WNT3: variants seen among roughly 807,000 people sequenced by gnomAD.
WNT3 encodes Wnt family member 3.
Under a neutral mutation model 34.2 loss-of-function variants are expected in WNT3, and 7 were observed. The observed-to-expected ratio is 0.20, with a 90% CI of 0.12 to 0.38. The LOEUF (loss-of-function observed/expected upper bound fraction) is 0.38, where lower values mean the gene tolerates loss of function less well. WNT3 is among the 10% of genes least tolerant of loss of function. WNT3 has a pLI of 1.00. For missense variants in WNT3, 267 were observed against 499.8 expected, an observed-to-expected ratio of 0.53 and a Z score of 4.44; for synonymous variants, 212 against 211.5, an observed-to-expected ratio of 1.00 and a Z score of -0.02.
intron 1 of WNT3, among the ~76,000 whole-genome samples, chr17:46,817,805 A>C (rs910134976): frequency 8.5e-5 from 13 of 152,172 alleles, no homozygotes; most frequent in Admixed American, 3.3e-4. Context: ...AAAGAACAAC[A>C]AGCCTACCCC....
rs1278282304 is a variant in WNT3 at position 46,768,271 on chromosome 17, GCCCAGGCT to G, written c.*8+33_*8+40del. ...ATGGGCAAACAACCCCATTCCCTGCGCCCAGGCTCCCAGCCTCCCCCCTGCTTCCCGGA... is the reference window on the plus strand; with the variant it reads ...ATGGGCAAACAACCCCATTCCCTGCGCCCAGCCTCCCCCCTGCTTCCCGGA... On this transcript the variant is annotated intron_variant, in intron 4 of 4. Transcript: ENST00000225512. The surrounding 1 kb of genome is among the most constrained non-coding windows in gnomAD (Gnocchi z 5.0). 2 of 1,611,204 alleles carry G rather than the reference GCCCAGGCT, an allele frequency of 1.2e-6. No homozygotes were observed. Among genetic ancestry groups the G allele is most frequent in the Non-Finnish European group, 1.7e-6 (2 of 1,179,924 alleles).
At chr17:46,779,103 A>ACACACACACACACCCCC (rs749719578) in intron 1 of WNT3, among the ~76,000 whole-genome samples, 10 of 133,662 alleles carry the variant, frequency 7.5e-5, no homozygotes, top group East Asian at 5.1e-4. Flanking sequence ...ACACACACAC[A>ACACACACACACACCCCC]CCCCAGCCCA....
intron 1 of WNT3, among the ~76,000 whole-genome samples, chr17:46,806,199 T>A (rs1172256188): frequency 1.4e-5 from 2 of 140,958 alleles, no homozygotes; most frequent in Admixed American, 1.6e-4. Context: ...TTTTTTCTTT[T>A]TCTTTTCCTT....
At chr17:46,784,114 C>T (rs983262463) in intron 1 of WNT3, among the ~76,000 whole-genome samples, 12 of 152,148 alleles carry the variant, frequency 7.9e-5, no homozygotes, top group Admixed American at 5.9e-4. Flanking sequence ...GGGATGGGCC[C>T]GCTGGTCATC....
At chr17:46,790,125 T>C (rs1377499948) in intron 1 of WNT3, among the ~76,000 whole-genome samples, 1 of 152,096 alleles carries the variant, frequency 6.6e-6, no homozygotes, top group Non-Finnish European at 1.5e-5. Context: ...CTCAACATTT[T>C]CCTCTGCACC....
chr17:46,784,735 A>ACTGTGCCC (rs2059487758), intron 1 of WNT3, among the ~76,000 whole-genome samples: 1 of 150,598 alleles, frequency 6.6e-6, no homozygotes, highest in South Asian at 2.1e-4. Flanking sequence ...AGAGGGAGCC[A>ACTGTGCCC]CTGTGCCCCT....
At chr17:46,811,400 T>G (rs1425508819) in intron 1 of WNT3, among the ~76,000 whole-genome samples, 1 of 152,124 alleles carries the variant, frequency 6.6e-6, no homozygotes, top group East Asian at 1.9e-4. Flanking sequence ...CTCTCTGAGA[T>G]ATTAGTTTGA....
chr17:46,779,053 T>TCACAAACACA (rs1555683628), intron 1 of WNT3, among the ~76,000 whole-genome samples: 2 of 100,612 alleles, frequency 2.0e-5, no homozygotes, highest in African/African-American at 8.9e-5. Flanking sequence ...CCCTACCCCA[T>TCACAAACACA]CACACACACA....
At chr17:46,789,197 G>T (rs1047618521) in intron 1 of WNT3, among the ~76,000 whole-genome samples, 16 of 152,132 alleles carry the variant, frequency 1.1e-4, no homozygotes, top group Middle Eastern at 6.8e-3. Flanking sequence ...CTTTATGGGG[G>T]CCCAGAGGCC....
chr17:46,771,715 C>G (rs2059372947), intron 2 of WNT3, among the ~76,000 whole-genome samples: 1 of 143,070 alleles, frequency 7.0e-6, no homozygotes, highest in South Asian at 2.1e-4. Flanking sequence ...GCCCCCGGCC[C>G]CGGCGCCGGG....
intron 1 of WNT3, among the ~76,000 whole-genome samples, chr17:46,777,750 A>G (rs1021498235): frequency 5.9e-5 from 9 of 152,242 alleles, no homozygotes; most frequent in African/African-American, 1.9e-4. Context: ...AAACTGAGGC[A>G]TGGAGTAGTT....
intron 2 of WNT3, among the ~76,000 whole-genome samples, chr17:46,772,083 G>A (rs1433356767): frequency 6.6e-6 from 1 of 152,136 alleles, no homozygotes; most frequent in Non-Finnish European, 1.5e-5. Flanking sequence ...CGGCGGTGGT[G>A]TGGGGACTCG....
intron 2 of WNT3, among the ~76,000 whole-genome samples, chr17:46,772,942 C>T (rs2146383822): frequency 6.6e-6 from 1 of 152,278 alleles, no homozygotes; most frequent in South Asian, 2.1e-4. Context: ...TCGTTAAATT[C>T]CTGGACACTG....
At chr17:46,804,049 G>T (rs1004860933) in intron 1 of WNT3, among the ~76,000 whole-genome samples, 2 of 151,834 alleles carry the variant, frequency 1.3e-5, no homozygotes, top group African/African-American at 4.8e-5. Flanking sequence ...TTGCATATTT[G>T]TCTTCTCCTT....
chr17:46,766,075 T>C (rs562135579), intron 4 of WNT3, among the ~76,000 whole-genome samples: 2 of 152,146 alleles, frequency 1.3e-5, no homozygotes, highest in East Asian at 3.9e-4. Flanking sequence ...AAAACACTCA[T>C]TGTCCATTTC....
In WNT3 at chr17:46,763,536, C is replaced by T. The variant is rs2059286101; in HGVS notation, c.*1094G>A. 6.6e-6 allele frequency: 1 copy of T among 152,090 alleles called. No homozygotes were observed. 9.4% of individuals were successfully genotyped at this position (152,090 alleles called of 1,614,324 possible). A position where few individuals can be genotyped will look rare whatever the true frequency, so the allele number is the denominator to read the frequency against. The stretch of plus-strand genomic sequence containing the variant: ...AGGAAAGGACACAGTAAGATGGGTC[C>T]GTATTGGAGAGGAAGCAAAGGGATG... On this transcript the variant is annotated 3_prime_UTR_variant, in exon 5 of 5. Coordinates refer to ENST00000225512, the MANE Select transcript of WNT3 (RefSeq NM_030753.5).
At chr17:46,766,776 G>A (rs1350832612) in intron 4 of WNT3, among the ~76,000 whole-genome samples, 1 of 152,136 alleles carries the variant, frequency 6.6e-6, no homozygotes, top group African/African-American at 2.4e-5. Flanking sequence ...GCTCAGAGGT[G>A]CCCTGTGGAA....
At chr17:46,764,909 G>A (rs2059299964) in intron 4 of WNT3, among the ~76,000 whole-genome samples, 1 of 152,244 alleles carries the variant, frequency 6.6e-6, no homozygotes, top group African/African-American at 2.4e-5. Context: ...AAGCCCAGGA[G>A]CAGGTCACTC....
chr17:46,782,487 C>G (rs1012219993), intron 1 of WNT3, among the ~76,000 whole-genome samples: 2 of 152,154 alleles, frequency 1.3e-5, no homozygotes, highest in Non-Finnish European at 2.9e-5. Flanking sequence ...CCACCCTCCA[C>G]GGAAACTTCT....
Sources: allele counts gnomAD v4.1 joint callset (sites outside exome capture counted in the v4.1 genomes callset), GRCh38; gene constraint gnomAD v4.1.1; non-coding constraint Gnocchi (gnomAD v3.1); transcripts MANE v1.5; gene names NCBI Gene and HGNC (gene_info 2026-07-23, HGNC 2026-07-21).